CHP1: variants seen among roughly 807,000 people sequenced by gnomAD.
CHP1 encodes calcineurin B homologous protein 1.
Under a neutral mutation model 27.4 loss-of-function variants are expected in CHP1, and 11 were observed. The ratio of observed to expected loss-of-function variants is 0.40; its 90% confidence interval spans 0.25 to 0.67. The LOEUF is 0.67. CHP1 is among the 30% of genes least tolerant of loss of function. CHP1 has a pLI of 0.38. For synonymous variants in CHP1, 89 were observed against 87.4 expected (o/e 1.02, Z -0.10); for missense variants, 169 against 251.3 (o/e 0.67, Z 2.22).
At chr15:41,240,925 T>C (rs2047303823) in intron 1 of CHP1, among the ~76,000 whole-genome samples, 1 of 151,792 alleles carries the variant, frequency 6.6e-6, no homozygotes, top group African/African-American at 2.4e-5. Context: ...TGATCTCCGC[T>C]CACTGCAACC....
chr15:41,267,606 G>A (rs972484918), intron 4 of CHP1, among the ~76,000 whole-genome samples: 7 of 151,418 alleles, frequency 4.6e-5, no homozygotes, highest in African/African-American at 1.7e-4. Flanking sequence ...AGGTTTCAGT[G>A]ACCTGAGATC....
Position 41,278,814 on chromosome 15 carries a change from C to A in CHP1, c.459C>A (p.Gly153=), listed in dbSNP as rs776470445. The change falls in exon 6 of 7, where the codon GGC becomes GGA. Residue 153 remains glycine, a synonymous_variant. Coordinates refer to ENST00000334660, the MANE Select transcript of CHP1 (RefSeq NM_007236.5). ...VGVNISDEQL[G]SIADRTIQEA... ...TAAATATCTCAGATGAGCAGCTGGG[C>A]AGCATCGCAGACAGGACCATTCAGG... The A allele has an allele frequency of 1.4e-5, 22 of 1,614,000 alleles. No individual in the cohort carries two copies. The South Asian group carries it at 2.4e-4, about 18-fold the overall frequency.
In CHP1 at chr15:41,253,399, A is replaced by G. The variant is rs561452146; in HGVS notation, c.141-3511A>G. Among the ~76,000 whole-genome samples, 40 of 151,706 alleles carry G rather than the reference A, an allele frequency of 2.6e-4. No homozygotes were observed. In the Middle Eastern group the frequency reaches 0.01, roughly 39 times the overall value. On this transcript the variant is annotated intron_variant, in intron 2 of 6. Transcript: ENST00000334660. ...ACCAGTAATAATAACTTGTTCGTATATTATTTATTTAACAGTTGACAAAGT... is the reference window on the plus strand; with the variant it reads ...ACCAGTAATAATAACTTGTTCGTATGTTATTTATTTAACAGTTGACAAAGT...
chr15:41,261,874 C>T (rs528944042), intron 3 of CHP1, among the ~76,000 whole-genome samples: 7 of 152,134 alleles, frequency 4.6e-5, no homozygotes, highest in Non-Finnish European at 7.4e-5. Flanking sequence ...TGCCTGTAAT[C>T]CCAGCTACTC....
rs1466808590 is a variant in CHP1, at chr15:41,235,922, A to G, written c.67+4473A>G. Among the ~76,000 whole-genome samples, 5 of 152,212 alleles carry G rather than the reference A, an allele frequency of 3.3e-5. No individual in the cohort carries two copies. In the East Asian group the frequency reaches 9.6e-4, roughly 29 times the overall value. On this transcript the variant is annotated intron_variant, in intron 1 of 6. Coordinates refer to ENST00000334660, the MANE Select transcript of CHP1 (RefSeq NM_007236.5). ...CCTATTGAAATGGAAATGCATGGAT[A>G]ACTAACACCTTTAACTGGTTTTGGG...
chr15:41,250,840 T>C (rs1419521528), intron 2 of CHP1, among the ~76,000 whole-genome samples: 1 of 151,304 alleles, frequency 6.6e-6, no homozygotes, highest in Non-Finnish European at 1.5e-5. Flanking sequence ...TCTTTCTTTT[T>C]TTTTTTTTGA....
intron 4 of CHP1, among the ~76,000 whole-genome samples, chr15:41,263,274 G>C (rs1395409956): frequency 6.6e-6 from 1 of 152,200 alleles, no homozygotes; most frequent in East Asian, 1.9e-4. Flanking sequence ...ACTGTGTTAA[G>C]TGCTAGCATG....
At chr15:41,233,516 T>C (rs557238480) in intron 1 of CHP1, among the ~76,000 whole-genome samples, 16 of 152,302 alleles carry the variant, frequency 1.1e-4, no homozygotes, top group African/African-American at 3.8e-4. Flanking sequence ...GGAGATTCTC[T>C]CCACAACCAG....
intron 4 of CHP1, 103 bp downstream of exon 4, chr15:41,262,986 T>C: frequency 7.0e-7 from 1 of 1,425,114 alleles, no homozygotes; most frequent in Non-Finnish European, 9.6e-7. Flanking sequence ...AAGAGCATAC[T>C]GGTTAAGACC....
intron 3 of CHP1, among the ~76,000 whole-genome samples, chr15:41,258,921 G>A (rs1045645261): frequency 5.3e-5 from 8 of 152,202 alleles, no homozygotes; most frequent in African/African-American, 1.7e-4. Context: ...TTTGCTAGTT[G>A]AGAGGGTTGG....
chr15:41,265,578 G>T (rs1350914436), intron 4 of CHP1, among the ~76,000 whole-genome samples: 1 of 151,534 alleles, frequency 6.6e-6, no homozygotes, highest in Admixed American at 6.6e-5. Context: ...GGGCGTGGTG[G>T]CGGGCGCCTG....
chr15:41,265,616 CAGG>C (rs1158320782), intron 4 of CHP1, among the ~76,000 whole-genome samples: 1 of 150,648 alleles, frequency 6.6e-6, no homozygotes, highest in Admixed American at 6.7e-5. Flanking sequence ...GAGGCTGAGA[CAGG>C]AGAATACTTT....
At chr15:41,241,073 G>C (rs949821238) in intron 1 of CHP1, among the ~76,000 whole-genome samples, 1 of 152,112 alleles carries the variant, frequency 6.6e-6, no homozygotes, top group Non-Finnish European at 1.5e-5. Context: ...GGATGGTCTC[G>C]ATCTCTTTTC....
chr15:41,237,763 T>C (rs1233153256), intron 1 of CHP1, among the ~76,000 whole-genome samples: 2 of 152,068 alleles, frequency 1.3e-5, no homozygotes, highest in Non-Finnish European at 2.9e-5. Context: ...AGTCTCGTTC[T>C]GTCACCAGGC....
chr15:41,251,533 G>A (rs2047366579), intron 2 of CHP1, among the ~76,000 whole-genome samples: 2 of 152,156 alleles, frequency 1.3e-5, no homozygotes, highest in African/African-American at 4.8e-5. Context: ...TACACAGCAG[G>A]AGGTGAACAG....
chr15:41,233,417 A>G (rs1193952192), intron 1 of CHP1, among the ~76,000 whole-genome samples: 1 of 152,188 alleles, frequency 6.6e-6, no homozygotes. Context: ...CCTGGATGGG[A>G]TATTTTTACC....
rs34053067 is a variant in CHP1, at chr15:41,274,790, G to GTT, written c.412-3960_412-3959dup. Among the ~76,000 whole-genome samples the GTT allele has an allele frequency of 8.8e-3, 1,067 of 120,696 alleles. 23 individuals carry two copies. Among genetic ancestry groups the GTT allele is most frequent in the Non-Finnish European group, 0.014 (825 of 59,728 alleles). 79.2% of individuals were successfully genotyped at this position (120,696 alleles called of 152,430 possible). The stretch of plus-strand genomic sequence containing the variant: ...GATTATCTTTGCTAGCATTGTCTTT[G>GTT]TTTTTTTTTTTTTTTTTTGAGATGG... On this transcript the variant is annotated intron_variant, in intron 5 of 6. Transcript: ENST00000334660.
Position 41,281,722 on chromosome 15 carries a change from TAGAG to T in CHP1, c.*2336_*2339del, listed in dbSNP as rs755835305. On this transcript the variant is annotated 3_prime_UTR_variant, in exon 7 of 7. Transcript: ENST00000334660. ...GGAAGAATGTCTGATACTGATCTAT[TAGAG>T]AGGTACTTTAGAGGCTTCTTGATTG... The T allele has an allele frequency of 1.3e-5, 2 of 152,650 alleles. No homozygotes were observed. Among genetic ancestry groups the T allele is most frequent in the South Asian group, 2.1e-4 (1 of 4,836 alleles). The allele number at this position is 152,650 out of a possible 1,614,324, so 9.5% of individuals were successfully genotyped here.
chr15:41,251,788 G>C (rs2047368244), intron 2 of CHP1, among the ~76,000 whole-genome samples: 1 of 151,076 alleles, frequency 6.6e-6, no homozygotes, highest in Non-Finnish European at 1.5e-5. Flanking sequence ...AAAGGCTGGG[G>C]ATCGCTGCCA....
Sources: allele counts gnomAD v4.1 joint callset (sites outside exome capture counted in the v4.1 genomes callset), GRCh38; gene constraint gnomAD v4.1.1; transcripts MANE v1.5; gene names NCBI Gene and HGNC (gene_info 2026-07-23, HGNC 2026-07-21).